CTPS2: variants seen among roughly 807,000 people sequenced by gnomAD.
The protein encoded by CTPS2 is CTP synthase II.
In CTPS2, 19 loss-of-function variants were observed where a neutral mutation model predicts 46.8. The ratio of observed to expected loss-of-function variants is 0.41; its 90% CI spans 0.28 to 0.60. The LOEUF (loss-of-function observed/expected upper bound fraction) is 0.60, where lower values mean the gene tolerates loss of function less well. Among genes scored for constraint, CTPS2 ranks in the 20% least tolerant of loss-of-function variants. The pLI is 0.35. For synonymous variants in CTPS2, 151 were observed against 165.2 expected (o/e 0.91, Z 0.66); for missense variants, 286 against 447.6 (o/e 0.64, Z 3.26).
chrX:16,595,903 T>A (rs1355548393), intron 17 of CTPS2, among the ~76,000 whole-genome samples: 1 of 112,612 alleles, frequency 8.9e-6, no homozygotes, highest in Non-Finnish European at 1.9e-5. Flanking sequence ...AGGGTCTTGC[T>A]CTGTCACCCA....
intron 10 of CTPS2, among the ~76,000 whole-genome samples, chrX:16,674,704 G>A (rs1217123355): frequency 2.8e-5 from 3 of 106,992 alleles, no homozygotes; most frequent in Admixed American, 1.0e-4. Context: ...CGGGCGTGGT[G>A]GCAGGCGCCT....
At chrX:16,641,211 T>G (rs1932062788) in intron 13 of CTPS2, among the ~76,000 whole-genome samples, 1 of 111,950 alleles carries the variant, frequency 8.9e-6, no homozygotes, top group African/African-American at 3.2e-5. Flanking sequence ...CTACGTGTAT[T>G]CAGAGCCTCA....
At position 16,651,931 on chromosome X, in the gene CTPS2, A is replaced by G. The variant is rs896845310; in HGVS notation, c.1297-12688T>C. On this transcript the variant is annotated intron_variant, in intron 13 of 18. Transcript: ENST00000359276. Reference sequence around the variant, plus strand: ...GAGGGCCATGGCGACCCATACAGGGACCACTGAAACGTGTTCTTGCCATGG... The same window carrying G: ...GAGGGCCATGGCGACCCATACAGGGGCCACTGAAACGTGTTCTTGCCATGG... Among the ~76,000 whole-genome samples, 9 of 110,390 alleles carry G rather than the reference A, an allele frequency of 8.2e-5. No homozygotes were observed. The South Asian group carries it at 2.0e-3, about 24-fold the overall frequency.
chrX:16,619,457 T>C (rs1392701175), intron 15 of CTPS2, among the ~76,000 whole-genome samples: 1 of 111,609 alleles, frequency 9.0e-6, no homozygotes, highest in Non-Finnish European at 1.9e-5. Flanking sequence ...TTGTCCCAGA[T>C]GCTGCTGGCA....
intron 13 of CTPS2, among the ~76,000 whole-genome samples, chrX:16,658,496 T>G (rs1932872028): frequency 8.9e-6 from 1 of 112,417 alleles, no homozygotes; most frequent in African/African-American, 3.2e-5. Flanking sequence ...TTCTTCTAAA[T>G]GTAATGAGTA....
At chrX:16,636,830 T>C (rs1203132624) in intron 14 of CTPS2, among the ~76,000 whole-genome samples, 5 of 110,087 alleles carry the variant, frequency 4.5e-5, no homozygotes, top group Non-Finnish European at 9.5e-5. Context: ...GGCAGGAGAA[T>C]GGCGTGAACC....
intron 10 of CTPS2, among the ~76,000 whole-genome samples, chrX:16,674,573 T>C (rs775526916): frequency 1.8e-5 from 2 of 110,484 alleles, no homozygotes; most frequent in South Asian, 3.9e-4. Context: ...GCATGGTGGC[T>C]CACACCTGTA....
intron 13 of CTPS2, among the ~76,000 whole-genome samples, chrX:16,651,463 C>G (rs966719035): frequency 8.9e-6 from 1 of 111,977 alleles, no homozygotes. Flanking sequence ...GGATTCAGTA[C>G]TTCTGTGCCA....
chrX:16,663,393 C>T (rs929423808), intron 13 of CTPS2, among the ~76,000 whole-genome samples: 1 of 111,600 alleles, frequency 9.0e-6, no homozygotes, highest in Non-Finnish European at 1.9e-5. Context: ...GCAGTCCTCC[C>T]GCCTCAGCCT....
At chrX:16,681,838 T>C (rs778238612) in intron 9 of CTPS2, among the ~76,000 whole-genome samples, 24 of 111,845 alleles carry the variant, frequency 2.1e-4, no homozygotes, top group South Asian at 1.5e-3. Flanking sequence ...CGTGAACTAC[T>C]TCGCCTGGCT....
intron 8 of CTPS2, 102 bp downstream of exon 8, chrX:16,689,348 G>A (rs536553231): frequency 1.3e-5 from 11 of 838,859 alleles, no homozygotes; most frequent in African/African-American, 6.1e-5. Context: ...ATGTGCACAC[G>A]CAAAATGCCA....
chrX:16,604,586 G>A (rs59955348), intron 17 of CTPS2, among the ~76,000 whole-genome samples: 1,305 of 111,200 alleles, frequency 0.012, 29 homozygotes, highest in African/African-American at 0.04. Flanking sequence ...CAGCACTTTG[G>A]GAGGCCAAGG....
chrX:16,678,289 G>C (rs979929967), intron 10 of CTPS2, 73 bp downstream of exon 10: 25 of 683,060 alleles, frequency 3.7e-5, no homozygotes, highest in Non-Finnish European at 5.6e-5. Context: ...TTAGCAATTA[G>C]GGTAAACTGA....
In CTPS2 at chrX:16,693,079, A is replaced by G. The variant is rs910304957; in HGVS notation, c.639+62T>C. The G allele has an allele frequency of 2.3e-4, 165 of 709,506 alleles. 1 individual carries two copies. Among genetic ancestry groups the G allele is most frequent in the South Asian group, 7.2e-4 (29 of 40,247 alleles). 58.5% of individuals were successfully genotyped at this position (709,506 alleles called of 1,213,427 possible). On this transcript the variant is annotated intron_variant, in intron 6 of 18. Coordinates refer to ENST00000359276, the MANE Select transcript of CTPS2 (RefSeq NM_175859.3). ...CTCAAATTAAAAAAAAAAAAAAAAA[A>G]GAAGTGAAGGTCCTGCTCCCAGAGA...
chrX:16,686,682 T>C (rs1428829012), intron 8 of CTPS2, among the ~76,000 whole-genome samples: 1 of 111,994 alleles, frequency 8.9e-6, no homozygotes, highest in African/African-American at 3.2e-5. Flanking sequence ...ACCAGGTGGA[T>C]TGCTTGAGCT....
chrX:16,638,694 G>A (rs964578566), intron 14 of CTPS2: 3 of 250,088 alleles, frequency 1.2e-5, no homozygotes, highest in African/African-American at 8.6e-5. Flanking sequence ...ACGCTTCTGA[G>A]GTGCATAACT....
chrX:16,618,006 A>G (rs967981199), intron 15 of CTPS2, among the ~76,000 whole-genome samples: 6 of 111,871 alleles, frequency 5.4e-5, no homozygotes, highest in African/African-American at 2.0e-4. Context: ...GAAATACACA[A>G]ATGATTTTTC....
intron 4 of CTPS2, among the ~76,000 whole-genome samples, chrX:16,693,989 C>T (rs1216932875): frequency 9.2e-6 from 1 of 109,228 alleles, no homozygotes; most frequent in Non-Finnish European, 1.9e-5. Context: ...CATGGTGAAA[C>T]CCTGTCTCTA....
In CTPS2 at chrX:16,687,768, G is replaced by A. The variant is rs769073023; in HGVS notation, c.872+1682C>T. On this transcript the variant is annotated intron_variant, in intron 8 of 18. Transcript: ENST00000359276. ...AAATTGTAAATGAAAGAGCAAGAGA[G>A]CCTCAATCTGATTAGTCATCTACCA... Among the ~76,000 whole-genome samples the A allele has an allele frequency of 1.2e-4, 13 of 111,197 alleles. 1 individual carries two copies. The South Asian group carries it at 4.9e-3, about 42-fold the overall frequency.
Sources: allele counts gnomAD v4.1 joint callset (sites outside exome capture counted in the v4.1 genomes callset), GRCh38; gene constraint gnomAD v4.1.1; transcripts MANE v1.5; gene names NCBI Gene and HGNC (gene_info 2026-07-23, HGNC 2026-07-21).